The following CSMD1 variants were observed in gnomAD, a reference collection of about 807,000 sequenced individuals.
CSMD1 encodes CUB and sushi domain-containing protein 1.
A neutral mutation model predicts 417.5 loss-of-function variants in CSMD1; 213 were observed. The ratio of observed to expected loss-of-function variants is 0.51; its 90% CI spans 0.46 to 0.57. The LOEUF (loss-of-function observed/expected upper bound fraction) is 0.57, where lower values mean the gene tolerates loss of function less well. Ranked by LOEUF, CSMD1 falls within the 20% of genes least tolerant of loss-of-function variation. CSMD1 has a pLI of 0.00. For synonymous variants in CSMD1, 2,862 were observed against 1,736.8 expected (o/e 1.65, Z -16.11); for missense variants, 6,923 against 4,529.7 (o/e 1.53, Z -15.17).
chr8:3,719,980 G>C (rs550201699), intron 6 of CSMD1, among the ~76,000 whole-genome samples: 52 of 152,326 alleles, frequency 3.4e-4, no homozygotes, highest in Non-Finnish European at 5.6e-4. Flanking sequence ...CCTCAGAGCT[G>C]TGGTGAAGAT....
At chr8:3,574,485 G>T (rs1036744999) in intron 10 of CSMD1, among the ~76,000 whole-genome samples, 1 of 152,174 alleles carries the variant, frequency 6.6e-6, no homozygotes, top group Non-Finnish European at 1.5e-5. Flanking sequence ...GACCTCAAGT[G>T]ATCCACCCAC....
intron 49 of CSMD1, among the ~76,000 whole-genome samples, chr8:3,060,579 G>A (rs907610757): frequency 2.6e-5 from 4 of 152,094 alleles, no homozygotes; most frequent in African/African-American, 9.7e-5. Context: ...GTTGTAAGTT[G>A]GTTTACAAGC....
intron 1 of CSMD1, among the ~76,000 whole-genome samples, chr8:4,760,201 A>G (rs1428465687): frequency 6.6e-6 from 1 of 152,202 alleles, no homozygotes; most frequent in Non-Finnish European, 1.5e-5. Context: ...GCATTCTAAT[A>G]AATCTATGTA....
intron 1 of CSMD1, among the ~76,000 whole-genome samples, chr8:4,666,181 G>A (rs1480924528): frequency 1.3e-5 from 2 of 152,112 alleles, no homozygotes; most frequent in African/African-American, 2.4e-5. Context: ...GACCTCCCAA[G>A]GATGTCTAAG....
intron 5 of CSMD1, among the ~76,000 whole-genome samples, chr8:3,755,892 T>C (rs1797628841): frequency 6.6e-6 from 1 of 152,264 alleles, no homozygotes; most frequent in Non-Finnish European, 1.5e-5. Flanking sequence ...TGGACACAGC[T>C]GACTCCAAGG....
intron 22 of CSMD1, among the ~76,000 whole-genome samples, chr8:3,346,981 C>T (rs900179984): frequency 1.3e-5 from 2 of 152,210 alleles, no homozygotes; most frequent in African/African-American, 4.8e-5. Flanking sequence ...TGATTTATAG[C>T]AGGGGAGTCC....
chr8:3,613,661 G>T (rs1307958601), intron 8 of CSMD1, among the ~76,000 whole-genome samples: 1 of 147,784 alleles, frequency 6.8e-6, no homozygotes, highest in Non-Finnish European at 1.5e-5. Context: ...GTCAATAGAT[G>T]TAGAAACTTT....
At chr8:3,823,929 C>A (rs1314228676) in intron 5 of CSMD1, among the ~76,000 whole-genome samples, 1 of 152,090 alleles carries the variant, frequency 6.6e-6, no homozygotes, top group Non-Finnish European at 1.5e-5. Flanking sequence ...ACCTTTACAT[C>A]TCTGGTAATT....
rs1242569374 is a variant in CSMD1 at position 2,966,599 on chromosome 8, G to A, written c.9071C>T (p.Thr3024Ile). 6.2e-7 allele frequency: 1 copy of A among 1,613,730 alleles called. No homozygotes were observed. Among genetic ancestry groups the A allele is most frequent in the Non-Finnish European group, 8.5e-7 (1 of 1,179,786 alleles). Residue 3024 changes from threonine to isoleucine, a missense_variant, in exon 58 of 70, where the codon ACC (threonine) becomes ATC (isoleucine). By Grantham distance (89) the Thr-to-Ile change is moderately conservative. Coordinates refer to ENST00000635120, the MANE Select transcript of CSMD1 (RefSeq NM_033225.6). ...LMTRHCTANG[T>I]WTGTAPDCTI... is the part of the protein sequence containing the mutation. ...GCAGTCGGGAGCAGTGCCTGTCCAG[G>A]TCCCATTGGCTGTGCAATGCCGTGT...
chr8:4,775,955 T>C (rs1288567772), intron 1 of CSMD1, among the ~76,000 whole-genome samples: 2 of 152,194 alleles, frequency 1.3e-5, no homozygotes, highest in Non-Finnish European at 2.9e-5. Context: ...TTGGAGTCCA[T>C]GACCAACATT....
intron 1 of CSMD1, among the ~76,000 whole-genome samples, chr8:4,645,825 C>T (rs2617045): frequency 0.61 from 91,914 of 151,824 alleles, 28,183 homozygotes; most frequent in Admixed American, 0.71. Flanking sequence ...ACACATCATT[C>T]TTCACAGGGA....
At chr8:4,510,288 G>C (rs953956895) in intron 2 of CSMD1, among the ~76,000 whole-genome samples, 8 of 146,926 alleles carry the variant, frequency 5.4e-5, no homozygotes, top group Admixed American at 2.1e-4. Flanking sequence ...GTCTTTATCA[G>C]CAGCATGAGA....
intron 33 of CSMD1, among the ~76,000 whole-genome samples, chr8:3,194,026 G>A (rs1439275958): frequency 6.6e-6 from 1 of 152,098 alleles, no homozygotes; most frequent in African/African-American, 2.4e-5. Context: ...AGTGACTGAG[G>A]GACATTTTCT....
At chr8:4,017,120 G>C (rs547946964) in intron 4 of CSMD1, among the ~76,000 whole-genome samples, 25 of 152,280 alleles carry the variant, frequency 1.6e-4, no homozygotes, top group Non-Finnish European at 2.9e-4. Context: ...CTTGCTGGAC[G>C]CTCTCCATGC....
intron 4 of CSMD1, among the ~76,000 whole-genome samples, chr8:4,030,891 T>G (rs184723140): frequency 9.5e-4 from 145 of 152,294 alleles, no homozygotes; most frequent in African/African-American, 3.4e-3. Context: ...CTCTCTCAAG[T>G]TCAAAGTTCC....
chr8:3,521,646 G>T (rs760793718), intron 10 of CSMD1, among the ~76,000 whole-genome samples: 4 of 152,148 alleles, frequency 2.6e-5, no homozygotes, highest in Admixed American at 6.6e-5. Flanking sequence ...TTTACAGGAG[G>T]ATTAAACAGT....
intron 9 of CSMD1, among the ~76,000 whole-genome samples, chr8:3,582,668 C>G (rs574177570): frequency 1.5e-4 from 23 of 152,236 alleles, no homozygotes; most frequent in African/African-American, 5.3e-4. Context: ...GTAGAAAATG[C>G]ACACTGGATT....
intron 5 of CSMD1, among the ~76,000 whole-genome samples, chr8:3,796,941 G>C (rs1390274784): frequency 6.6e-6 from 1 of 151,660 alleles, no homozygotes; most frequent in Non-Finnish European, 1.5e-5. Flanking sequence ...TGGTTAATAT[G>C]TAATGAAGAT....
chr8:4,197,626 C>A (rs1799415177), intron 3 of CSMD1, among the ~76,000 whole-genome samples: 1 of 152,186 alleles, frequency 6.6e-6, no homozygotes. Context: ...TGCCTGAAAT[C>A]CCAGCATTTT....
Sources: gnomAD v4.1 joint callset for allele counts (sites outside exome capture counted in the v4.1 genomes callset) on GRCh38, gnomAD v4.1.1 for gene constraint, MANE v1.5 for transcripts, NCBI Gene and HGNC (gene_info 2026-07-23, HGNC 2026-07-21) for gene names.